MAN1C1: variants seen among roughly 807,000 people sequenced by gnomAD.
MAN1C1 encodes the protein mannosyl-oligosaccharide 1,2-alpha-mannosidase IC.
Under a neutral mutation model 71.5 loss-of-function variants are expected in MAN1C1, and 49 were observed. That is an observed-to-expected ratio of 0.69 (90% CI 0.54 to 0.87). The LOEUF (loss-of-function observed/expected upper bound fraction) is 0.87, where lower values mean the gene tolerates loss of function less well. Among genes scored for constraint, MAN1C1 ranks in the 40% least tolerant of loss-of-function variants. The pLI is 0.00. For missense variants in MAN1C1, 743 were observed against 835.0 expected, an observed-to-expected ratio of 0.89 and a Z score of 1.36; for synonymous variants, 352 against 343.7, an observed-to-expected ratio of 1.02 and a Z score of -0.27.
At chr1:25,671,321 T>C (rs1237738479) in intron 1 of MAN1C1, among the ~76,000 whole-genome samples, 1 of 152,224 alleles carries the variant, frequency 6.6e-6, no homozygotes, top group Non-Finnish European at 1.5e-5. Context: ...ACACAGTAAG[T>C]GCTCAGTGGA....
At chr1:25,699,108 A>G (rs979844955) in intron 2 of MAN1C1, among the ~76,000 whole-genome samples, 10 of 152,220 alleles carry the variant, frequency 6.6e-5, no homozygotes, top group African/African-American at 2.4e-4. Context: ...GGAGTTCGAG[A>G]CCAGCCTGAC....
At chr1:25,707,205 C>T (rs1038248683) in intron 2 of MAN1C1, among the ~76,000 whole-genome samples, 4 of 152,160 alleles carry the variant, frequency 2.6e-5, no homozygotes, top group Admixed American at 1.3e-4. Flanking sequence ...ACTCAGGGAG[C>T]GGAAATGCCA....
chr1:25,693,879 A>G (rs1241338381), intron 2 of MAN1C1, among the ~76,000 whole-genome samples: 1 of 152,198 alleles, frequency 6.6e-6, no homozygotes, highest in Non-Finnish European at 1.5e-5. Context: ...GATAACAACT[A>G]CTTCACTCAA....
At chr1:25,726,672 G>C (rs1437447905) in intron 2 of MAN1C1, among the ~76,000 whole-genome samples, 3 of 152,098 alleles carry the variant, frequency 2.0e-5, no homozygotes, top group Non-Finnish European at 4.4e-5. Flanking sequence ...CTTTGGACAA[G>C]CTTCTTAGCT....
At position 25,764,011 on chromosome 1, in the gene MAN1C1, C is replaced by T; in HGVS notation, c.1141+44C>T. ...CTGCCCCTTATTCAGCGGGTTCCTG[C>T]CCAGGCTTCCTAGGAAGACCCTGCC... On this transcript the variant is annotated intron_variant, in intron 7 of 11. Transcript: ENST00000374332. This position sits in a 1 kb window ranked among gnomAD's most constrained non-coding sequence, Gnocchi z 4.4. The T allele has an allele frequency of 6.6e-7, 1 of 1,519,194 alleles. No individual in the cohort carries two copies. Among genetic ancestry groups the T allele is most frequent in the South Asian group, 1.1e-5 (1 of 89,140 alleles). 94.1% of individuals were successfully genotyped at this position (1,519,194 alleles called of 1,614,324 possible). A position where few individuals can be genotyped will look rare whatever the true frequency, so the allele number is the denominator to read the frequency against.
rs772461386 is a variant in MAN1C1, at chr1:25,617,965, C to G, written c.168C>G (p.Pro56=). The change falls in exon 1 of 12, where the codon CCC becomes CCG. Residue 56 remains proline, a synonymous_variant. Coordinates refer to ENST00000374332, the MANE Select transcript of MAN1C1 (RefSeq NM_020379.4). The surrounding 1 kb of genome is among the most constrained non-coding windows in gnomAD (Gnocchi z 5.1). ...GCCTCAAGCGCCTCTTCCTGGCCCC[C>G]CGGACCCAGCAGCCTGGTCTGGAAG... ...SSRLKRLFLA[P]RTQQPGLEVV... The G allele has an allele frequency of 3.7e-6, 6 of 1,608,552 alleles. No homozygotes were observed. Among genetic ancestry groups the G allele is most frequent in the Non-Finnish European group, 5.1e-6 (6 of 1,178,210 alleles).
chr1:25,667,712 A>T (rs554232070), intron 1 of MAN1C1, among the ~76,000 whole-genome samples: 1 of 152,242 alleles, frequency 6.6e-6, no homozygotes, highest in African/African-American at 2.4e-5. Context: ...TAATCCTTTC[A>T]AGAACACAGC....
chr1:25,767,820 ACT>A (rs533326723), intron 7 of MAN1C1, among the ~76,000 whole-genome samples: 7 of 107,790 alleles, frequency 6.5e-5, no homozygotes, highest in Admixed American at 1.0e-4. Flanking sequence ...GTACATCCAC[ACT>A]CCCCTCACAC....
intron 7 of MAN1C1, among the ~76,000 whole-genome samples, chr1:25,765,686 T>G (rs566974998): frequency 8.5e-5 from 13 of 152,312 alleles, no homozygotes; most frequent in Middle Eastern, 3.4e-3. Flanking sequence ...CTGCCAAAGA[T>G]GGTCCAAGTT....
At chr1:25,712,043 A>G (rs748511550) in intron 2 of MAN1C1, among the ~76,000 whole-genome samples, 5 of 152,158 alleles carry the variant, frequency 3.3e-5, no homozygotes, top group African/African-American at 9.7e-5. Flanking sequence ...TGAGTTTAGG[A>G]AAGTCCAGCA....
At chr1:25,754,097 G>T (rs1208160975) in intron 5 of MAN1C1, among the ~76,000 whole-genome samples, 2 of 152,088 alleles carry the variant, frequency 1.3e-5, no homozygotes, top group East Asian at 3.9e-4. Flanking sequence ...AGCTCTCAAG[G>T]AGCCCTAGCC....
intron 2 of MAN1C1, among the ~76,000 whole-genome samples, chr1:25,716,751 CAATAA>C (rs1247263539): frequency 6.6e-6 from 1 of 152,194 alleles, no homozygotes; most frequent in East Asian, 1.9e-4. Context: ...TAATTTAATG[CAATAA>C]AATGTATTTC....
rs924892913 is a variant in MAN1C1 at position 25,746,380 on chromosome 1, C to T, written c.638-288C>T. ...GGCTGATTGGCACTGATAGTTGACC[C>T]GCTGACCAACAGAAGAGTGGACCGA... On this transcript the variant is annotated intron_variant, in intron 2 of 11. Transcript: ENST00000374332. The surrounding 1 kb of genome is among the most constrained non-coding windows in gnomAD (Gnocchi z 4.0). Among the ~76,000 whole-genome samples the T allele has an allele frequency of 4.6e-5, 7 of 152,198 alleles. No homozygotes were observed. The highest frequency in any genetic ancestry group is 6.5e-5 in the Admixed American group (1 of 15,286).
In MAN1C1 at chr1:25,686,428, T is replaced by C; in HGVS notation, c.541-12T>C. 6.2e-7 allele frequency: 1 copy of C among 1,613,020 alleles called. No individual in the cohort carries two copies. ...CACACTGAGGTTCTCTCTATGCTGCTTTTTCTTGCAGATGATGCAGTTTGC... is the reference window on the plus strand; with the variant it reads ...CACACTGAGGTTCTCTCTATGCTGCCTTTTCTTGCAGATGATGCAGTTTGC... On this transcript the variant is annotated splice_polypyrimidine_tract_variant and intron_variant, in intron 1 of 11. Coordinates refer to ENST00000374332, the MANE Select transcript of MAN1C1 (RefSeq NM_020379.4).
intron 7 of MAN1C1, among the ~76,000 whole-genome samples, chr1:25,771,232 C>G (rs1026884857): frequency 6.6e-6 from 1 of 152,228 alleles, no homozygotes; most frequent in Non-Finnish European, 1.5e-5. Context: ...GTTTTTCTTC[C>G]TCTTTCCCGT....
chr1:25,696,200 C>T (rs553628016), intron 2 of MAN1C1, among the ~76,000 whole-genome samples: 12 of 152,282 alleles, frequency 7.9e-5, no homozygotes, highest in African/African-American at 2.2e-4. Context: ...TTCTTCTCAC[C>T]GCATTGATGG....
At chr1:25,698,107 G>T (rs930510697) in intron 2 of MAN1C1, among the ~76,000 whole-genome samples, 8 of 152,226 alleles carry the variant, frequency 5.3e-5, no homozygotes, top group African/African-American at 1.4e-4. Flanking sequence ...AGCAGCAGGA[G>T]CAATCAGTGA....
chr1:25,722,917 A>T (rs2046785636), intron 2 of MAN1C1, among the ~76,000 whole-genome samples: 2 of 152,182 alleles, frequency 1.3e-5, no homozygotes, highest in Non-Finnish European at 2.9e-5. Flanking sequence ...TGCATAGAAA[A>T]TGTTTTCATT....
intron 1 of MAN1C1, among the ~76,000 whole-genome samples, chr1:25,650,814 G>A (rs1307016912): frequency 6.6e-6 from 1 of 152,156 alleles, no homozygotes; most frequent in Admixed American, 6.5e-5. Context: ...CTTACAGAAG[G>A]AGAATAAAGG....
Sources: gnomAD v4.1 joint callset for allele counts (sites outside exome capture counted in the v4.1 genomes callset) on GRCh38, gnomAD v4.1.1 for gene constraint, Gnocchi (gnomAD v3.1) non-coding constraint, MANE v1.5 for transcripts, NCBI Gene and HGNC (gene_info 2026-07-23, HGNC 2026-07-21) for gene names.